The following CCDC82 variants were observed in gnomAD, a reference collection of about 807,000 sequenced individuals.
CCDC82 encodes the protein coiled-coil domain containing 82.
CCDC82 carries 47 observed loss-of-function variants against 60.6 expected under a neutral mutation model. The ratio of observed to expected loss-of-function variants is 0.77; its 90% CI spans 0.61 to 0.99. The LOEUF is 0.99. Ranked by LOEUF, CCDC82 falls within the 50% of genes least tolerant of loss-of-function variation. The pLI is 0.00. For synonymous variants in CCDC82, 212 were observed against 207.4 expected (o/e 1.02, Z -0.19); for missense variants, 588 against 633.0 (o/e 0.93, Z 0.76).
intron 5 of CCDC82, among the ~76,000 whole-genome samples, chr11:96,374,783 T>A (rs1565314126): frequency 6.6e-6 from 1 of 152,074 alleles, no homozygotes; most frequent in Non-Finnish European, 1.5e-5. Flanking sequence ...CTCAAAAAAT[T>A]AATATTGTTG....
At chr11:96,374,357 G>A (rs866511060) in intron 5 of CCDC82, among the ~76,000 whole-genome samples, 9 of 151,988 alleles carry the variant, frequency 5.9e-5, no homozygotes, top group African/African-American at 2.2e-4. Flanking sequence ...AAGAAAGATG[G>A]GATTCAACAT....
At chr11:96,382,373 T>G (rs1030843991) in intron 5 of CCDC82, 1 of 151,844 alleles carries the variant, frequency 6.6e-6, no homozygotes, top group Non-Finnish European at 1.5e-5. Context: ...AAAACTTGTA[T>G]GTGCTATTCT....
In CCDC82 at chr11:96,384,225, C is replaced by T; in HGVS notation, c.523G>A (p.Glu175Lys). 6.2e-7 allele frequency: 1 copy of T among 1,613,738 alleles called. No individual in the cohort carries two copies. The highest frequency in any genetic ancestry group is 8.5e-7 in the Non-Finnish European group (1 of 1,179,796). ...TTTCTTTTTCCTCGCTTGATGTCTT[C>T]TTCTTCTAAATCATCCTCTATTATT... is the stretch of plus-strand genomic sequence containing the variant. ...GQIIEDDLEE[E>K]DIKRGKRKRL... The change falls in exon 4 of 10, where the codon GAA becomes AAA. Residue 175 changes from glutamate (E) to lysine (K), a missense_variant. Physicochemically the swap from Glu to Lys is moderately conservative, Grantham distance 56. Coordinates refer to ENST00000646818, the MANE Select transcript of CCDC82 (RefSeq NM_024725.4).
intron 9 of CCDC82, 126 bp from the exon 10 acceptor site, chr11:96,353,840 T>C (rs1203812421): frequency 1.6e-6 from 1 of 618,048 alleles, no homozygotes. Context: ...AATCTTTTTA[T>C]GATAAACAGG....
At chr11:96,369,228 CA>C (rs1481702489) in intron 7 of CCDC82, among the ~76,000 whole-genome samples, 2 of 152,200 alleles carry the variant, frequency 1.3e-5, no homozygotes, top group African/African-American at 4.8e-5. Flanking sequence ...TCCATGTCAG[CA>C]ATAAGGCTGT....
At chr11:96,383,149 T>G (rs1865967534) in intron 5 of CCDC82, 120 bp downstream of exon 5, 7 of 678,004 alleles carry the variant, frequency 1.0e-5, no homozygotes. Context: ...CAAGGTTATC[T>G]GAAAATGAAA....
At position 96,357,163 on chromosome 11, in the gene CCDC82, C is replaced by T. The variant is rs4753198; in HGVS notation, c.1566+1830G>A. 6.5e-3 allele frequency: 6,435 copies of T among 985,242 alleles called. 30 individuals carry two copies. The highest frequency in any genetic ancestry group is 0.035 in the Admixed American group (567 of 16,268). The allele number at this position is 985,242 out of a possible 1,614,324, so 61.0% of individuals were successfully genotyped here. A position where few individuals can be genotyped will look rare whatever the true frequency, so the allele number is the denominator to read the frequency against. Reference sequence around the variant, plus strand: ...AGTGAGGATGGGAAATGTCAGAGCACGTGACAAATTTTGAAATTTCATTAC... The same window carrying T: ...AGTGAGGATGGGAAATGTCAGAGCATGTGACAAATTTTGAAATTTCATTAC... On this transcript the variant is annotated intron_variant, in intron 9 of 9. Coordinates refer to ENST00000646818, the MANE Select transcript of CCDC82 (RefSeq NM_024725.4).
chr11:96,367,305 G>A (rs1192307109), intron 7 of CCDC82, among the ~76,000 whole-genome samples: 1 of 152,212 alleles, frequency 6.6e-6, no homozygotes, highest in Non-Finnish European at 1.5e-5. Flanking sequence ...TTGATTGTAT[G>A]TTATACAGAA....
At chr11:96,387,676 C>T (rs1244392350) in intron 1 of CCDC82, 63 bp from the exon 2 acceptor site, 1 of 152,158 alleles carries the variant, frequency 6.6e-6, no homozygotes, top group African/African-American at 2.4e-5. Flanking sequence ...TTATTTTTAT[C>T]TCTCATTCAT....
intron 8 of CCDC82, among the ~76,000 whole-genome samples, chr11:96,361,504 A>G (rs1864660193): frequency 6.6e-6 from 1 of 152,226 alleles, no homozygotes. Flanking sequence ...ATTTTTTCCC[A>G]AAATATGATC....
intron 8 of CCDC82, among the ~76,000 whole-genome samples, chr11:96,359,650 A>C (rs1475898984): frequency 2.7e-5 from 4 of 150,852 alleles, no homozygotes; most frequent in Non-Finnish European, 5.9e-5. Context: ...AGTAAAAAAA[A>C]AAAAAAAAAA....
chr11:96,389,529 C>G (rs1032324410), intron 1 of CCDC82: 18 of 152,274 alleles, frequency 1.2e-4, no homozygotes, highest in African/African-American at 4.1e-4. Context: ...GAGCTCTGCA[C>G]CGAGAAAACA....
At chr11:96,359,321 AAC>A (rs1324910713) in intron 8 of CCDC82, 143 bp from the exon 9 acceptor site, 1 of 639,210 alleles carries the variant, frequency 1.6e-6, no homozygotes, top group African/African-American at 1.9e-5. Context: ...TTACTTATAC[AAC>A]TAGTCAAACA....
chr11:96,357,491 G>T, intron 9 of CCDC82: 1 of 985,148 alleles, frequency 1.0e-6, no homozygotes, highest in Non-Finnish European at 1.2e-6. Context: ...TATGCATAAA[G>T]AATAACGTCT....
chr11:96,353,378 G>A lies in CCDC82; in HGVS notation c.*268C>T, dbSNP rs758576304. On this transcript the variant is annotated 3_prime_UTR_variant, in exon 10 of 10. Transcript: ENST00000646818. ...ATATCAACAGCTCATTCACTTGACA[G>A]TCATCTGTTATAAAGCCATTATTAT... The A allele has an allele frequency of 1.6e-4, 50 of 305,274 alleles. No individual in the cohort carries two copies. Among genetic ancestry groups the A allele is most frequent in the Non-Finnish European group, 2.6e-4 (44 of 166,088 alleles). The allele number at this position is 305,274 out of a possible 1,614,324, so 18.9% of individuals were successfully genotyped here. A position where few individuals can be genotyped will look rare whatever the true frequency, so the allele number is the denominator to read the frequency against.
At chr11:96,366,679 A>T (rs1209917433) in intron 7 of CCDC82, among the ~76,000 whole-genome samples, 8 of 152,238 alleles carry the variant, frequency 5.3e-5, no homozygotes, top group African/African-American at 1.9e-4. Flanking sequence ...TCTCGAGCCC[A>T]GAAGTTCAAG....
intron 3 of CCDC82, 65 bp from the exon 4 acceptor site, chr11:96,384,826 G>A (rs1866103029): frequency 1.0e-6 from 1 of 968,864 alleles, no homozygotes; most frequent in Non-Finnish European, 1.5e-6. Flanking sequence ...ATGCATTTAT[G>A]GTATAAATTA....
At chr11:96,370,615 G>C (rs1335072048) in intron 7 of CCDC82, among the ~76,000 whole-genome samples, 1 of 152,068 alleles carries the variant, frequency 6.6e-6, no homozygotes, top group Non-Finnish European at 1.5e-5. Flanking sequence ...ACCACCCTTT[G>C]AATATTTATA....
At chr11:96,356,808 G>C in intron 9 of CCDC82, 1 of 985,242 alleles carries the variant, frequency 1.0e-6, no homozygotes, top group Non-Finnish European at 1.2e-6. Context: ...AGTCTAGTTG[G>C]CATGTCTTTG....
Sources: allele counts gnomAD v4.1 joint callset (sites outside exome capture counted in the v4.1 genomes callset), GRCh38; gene constraint gnomAD v4.1.1; transcripts MANE v1.5; gene names NCBI Gene and HGNC (gene_info 2026-07-23, HGNC 2026-07-21).